ERC1: variants seen among roughly 807,000 people sequenced by gnomAD.
ERC1 encodes ELKS/RAB6-interacting/CAST family member 1, also known as RAB6 interacting protein 2.
A neutral mutation model predicts 132.0 loss-of-function variants in ERC1; 56 were observed. The ratio of observed to expected loss-of-function variants is 0.42; its 90% CI spans 0.34 to 0.53. The LOEUF is 0.53. Among genes scored for constraint, ERC1 ranks in the 20% least tolerant of loss-of-function variants. ERC1 has a pLI of 0.03. For missense variants in ERC1, 1,202 were observed against 1,349.9 expected, an observed-to-expected ratio of 0.89 and a Z score of 1.72; for synonymous variants, 478 against 476.1, an observed-to-expected ratio of 1.00 and a Z score of -0.05.
intron 18 of ERC1, among the ~76,000 whole-genome samples, chr12:1,479,673 C>G (rs2094046548): frequency 1.3e-5 from 2 of 152,098 alleles, no homozygotes; most frequent in African/African-American, 4.8e-5. Flanking sequence ...ATTCAGTGCC[C>G]TCAGAAGCCA....
At chr12:1,121,681 A>C (rs202123780) in intron 7 of ERC1, among the ~76,000 whole-genome samples, 494 of 36,222 alleles carry the variant, frequency 0.014, 18 homozygotes, top group African/African-American at 0.034. Flanking sequence ...ATCTCTATCT[A>C]TCTCTATCTC....
intron 3 of ERC1, among the ~76,000 whole-genome samples, chr12:1,103,351 G>A (rs1012819015): frequency 6.6e-6 from 1 of 152,128 alleles, no homozygotes; most frequent in African/African-American, 2.4e-5. Flanking sequence ...GAGAGGACTT[G>A]GGCTCTAGTT....
chr12:1,495,925 A>G lies in ERC1; in HGVS notation c.*5695A>G, dbSNP rs1168187573. Reference sequence around the variant, plus strand: ...CCACCAGGAAATTATAAAGTTATTTAAAAACCGTGCTGTGTCCTTCTTTGA... The same window carrying G: ...CCACCAGGAAATTATAAAGTTATTTGAAAACCGTGCTGTGTCCTTCTTTGA... On this transcript the variant is annotated 3_prime_UTR_variant, in exon 19 of 19. Coordinates refer to ENST00000360905, the MANE Select transcript of ERC1 (RefSeq NM_178040.4). The G allele has an allele frequency of 5.5e-6, 1 of 180,776 alleles. No individual in the cohort carries two copies. The highest frequency in any genetic ancestry group is 1.2e-5 in the Non-Finnish European group (1 of 84,648). 11.2% of individuals were successfully genotyped at this position (180,776 alleles called of 1,614,324 possible). A position where few individuals can be genotyped will look rare whatever the true frequency, so the allele number is the denominator to read the frequency against.
At chr12:1,236,175 A>G (rs1384403250) in intron 12 of ERC1, among the ~76,000 whole-genome samples, 1 of 152,168 alleles carries the variant, frequency 6.6e-6, no homozygotes, top group Non-Finnish European at 1.5e-5. Context: ...GGGATTTTAA[A>G]CATAAATTTT....
intron 8 of ERC1, among the ~76,000 whole-genome samples, chr12:1,164,346 T>C (rs891443663): frequency 6.7e-6 from 1 of 148,696 alleles, no homozygotes; most frequent in East Asian, 1.9e-4. Context: ...TGTTATTTTA[T>C]GTTATTTTAT....
chr12:1,439,482 C>G (rs2093042274), intron 17 of ERC1, among the ~76,000 whole-genome samples: 2 of 152,186 alleles, frequency 1.3e-5, no homozygotes, highest in South Asian at 4.1e-4. Flanking sequence ...AAACAAAGCT[C>G]TTAGTACTTA....
At chr12:1,108,974 A>G (rs527923388) in intron 4 of ERC1, among the ~76,000 whole-genome samples, 1 of 152,352 alleles carries the variant, frequency 6.6e-6, no homozygotes, top group South Asian at 2.1e-4. Flanking sequence ...TAAAGTAGAA[A>G]AGGAGTTAAT....
intron 16 of ERC1, among the ~76,000 whole-genome samples, chr12:1,374,165 A>C (rs1396415280): frequency 6.6e-6 from 1 of 152,230 alleles, no homozygotes; most frequent in African/African-American, 2.4e-5. Context: ...CTAGTCCATG[A>C]ATTGCTGGAA....
At chr12:1,390,712 C>T (rs1022208118) in intron 16 of ERC1, 1 of 152,068 alleles carries the variant, frequency 6.6e-6, no homozygotes, top group East Asian at 1.9e-4. Context: ...TTAAATGAAC[C>T]CAGTTGTGGA....
In ERC1 at chr12:1,264,726, G is replaced by A. The variant is rs79399705; in HGVS notation, c.2619+1561G>A. On this transcript the variant is annotated intron_variant, in intron 14 of 18. Transcript: ENST00000360905. ...GAGGTTCATAACACTTAATTTTGCA[G>A]TAGTTGTTTCCTTTCCATTTCTTTG... Among the ~76,000 whole-genome samples, 358 of 152,160 alleles carry A rather than the reference G, an allele frequency of 2.4e-3. 3 individuals carry two copies. The highest frequency in any genetic ancestry group is 8.0e-3 in the African/African-American group (332 of 41,512).
At chr12:1,413,632 TTC>T (rs1445728528) in intron 17 of ERC1, among the ~76,000 whole-genome samples, 4 of 152,078 alleles carry the variant, frequency 2.6e-5, no homozygotes, top group African/African-American at 9.7e-5. Flanking sequence ...AAGAAATTGG[TTC>T]TCTCTCTCAC....
intron 17 of ERC1, among the ~76,000 whole-genome samples, chr12:1,425,404 G>A (rs2092604436): frequency 6.6e-6 from 1 of 152,182 alleles, no homozygotes; most frequent in Non-Finnish European, 1.5e-5. Flanking sequence ...GACAAACAGA[G>A]CAGAGAAACA....
rs543664202 is a variant in ERC1 at position 1,400,897 on chromosome 12, T to A, written c.2926-7252T>A. ...CTAACTTTATTCTTCTCATTCAATA[T>A]TGTTTTGGCTATTTTTGTATTTTTT... On this transcript the variant is annotated intron_variant, in intron 16 of 18. Coordinates refer to ENST00000360905, the MANE Select transcript of ERC1 (RefSeq NM_178040.4). Among the ~76,000 whole-genome samples, 4 of 147,472 alleles carry A rather than the reference T, an allele frequency of 2.7e-5. No individual in the cohort carries two copies. In the East Asian group the frequency reaches 8.0e-4, roughly 29 times the overall value.
At chr12:1,330,609 T>A (rs2082792802) in intron 15 of ERC1, among the ~76,000 whole-genome samples, 3 of 152,118 alleles carry the variant, frequency 2.0e-5, no homozygotes, top group African/African-American at 2.4e-5. Flanking sequence ...CCACTTTTCT[T>A]CCCCTCCCTT....
intron 16 of ERC1, among the ~76,000 whole-genome samples, chr12:1,379,449 T>C (rs1305793769): frequency 6.6e-6 from 1 of 152,218 alleles, no homozygotes; most frequent in African/African-American, 2.4e-5. Context: ...CACTAGTCTC[T>C]CCTCAGAATC....
intron 15 of ERC1, among the ~76,000 whole-genome samples, chr12:1,363,997 G>A (rs1173871400): frequency 6.6e-6 from 1 of 152,222 alleles, no homozygotes; most frequent in Non-Finnish European, 1.5e-5. Flanking sequence ...GCTGTGCTAG[G>A]CAGGACCCCA....
intron 16 of ERC1, among the ~76,000 whole-genome samples, chr12:1,394,693 G>T (rs1184511955): frequency 2.6e-5 from 4 of 152,220 alleles, no homozygotes; most frequent in Admixed American, 6.5e-5. Context: ...CTGCCACCAT[G>T]TAGAAAAGGT....
At chr12:1,345,567 C>A (rs1452443460) in intron 15 of ERC1, among the ~76,000 whole-genome samples, 1 of 152,160 alleles carries the variant, frequency 6.6e-6, no homozygotes, top group Non-Finnish European at 1.5e-5. Flanking sequence ...TTATGTTTTA[C>A]AACAGCATCT....
intron 15 of ERC1, among the ~76,000 whole-genome samples, chr12:1,324,127 A>T (rs927839871): frequency 6.6e-6 from 1 of 152,066 alleles, no homozygotes; most frequent in Admixed American, 6.5e-5. Context: ...AGTTAAGTTA[A>T]TTGATCTGAT....
Sources: allele counts gnomAD v4.1 joint callset (sites outside exome capture counted in the v4.1 genomes callset), GRCh38; gene constraint gnomAD v4.1.1; transcripts MANE v1.5; gene names NCBI Gene and HGNC (gene_info 2026-07-23, HGNC 2026-07-21).